The following CLVS2 variants were observed in gnomAD, a reference collection of about 807,000 sequenced individuals.
The protein encoded by CLVS2 is clavesin 2.
A neutral mutation model predicts 29.0 loss-of-function variants in CLVS2; 19 were observed. The observed-to-expected ratio is 0.66, with a 90% CI of 0.46 to 0.96. The LOEUF (loss-of-function observed/expected upper bound fraction) is 0.96, where lower values mean the gene tolerates loss of function less well. CLVS2 is among the 40% of genes least tolerant of loss of function. CLVS2 has a pLI of 0.00. For synonymous variants in CLVS2, 161 were observed against 151.3 expected (o/e 1.06, Z -0.47); for missense variants, 294 against 404.1 (o/e 0.73, Z 2.34).
At chr6:123,031,475 A>G (rs1775083274) in intron 3 of CLVS2, among the ~76,000 whole-genome samples, 1 of 152,184 alleles carries the variant, frequency 6.6e-6, no homozygotes, top group Non-Finnish European at 1.5e-5. Context: ...TAACTGTATC[A>G]TTTACTTGAA....
chr6:123,019,530 A>G (rs565236218), intron 3 of CLVS2, among the ~76,000 whole-genome samples: 1 of 152,118 alleles, frequency 6.6e-6, no homozygotes, highest in African/African-American at 2.4e-5. Flanking sequence ...GTATAGCTAT[A>G]TCTCTATAAC....
chr6:123,015,409 T>C (rs1020785830), intron 3 of CLVS2, among the ~76,000 whole-genome samples: 1 of 151,974 alleles, frequency 6.6e-6, no homozygotes, highest in Non-Finnish European at 1.5e-5. Context: ...TTGAAATAAT[T>C]ATAATAGTCT....
At chr6:123,059,456 G>T (rs1318975573) in intron 5 of CLVS2, among the ~76,000 whole-genome samples, 1 of 152,194 alleles carries the variant, frequency 6.6e-6, no homozygotes, top group African/African-American at 2.4e-5. Context: ...AACAGAGGGT[G>T]CTCAGGAAAT....
chr6:123,049,804 T>TCGGGG (rs1554203165), intron 4 of CLVS2, among the ~76,000 whole-genome samples: 1 of 118,934 alleles, frequency 8.4e-6, no homozygotes, highest in Non-Finnish European at 1.8e-5. Flanking sequence ...TGTTGTGGGA[T>TCGGGG]GGGGGGCGGG....
At chr6:123,033,149 A>G (rs1180383493) in intron 3 of CLVS2, among the ~76,000 whole-genome samples, 1 of 152,134 alleles carries the variant, frequency 6.6e-6, no homozygotes, top group Non-Finnish European at 1.5e-5. Flanking sequence ...AAGATGAAAA[A>G]TTAAAATGAC....
intron 3 of CLVS2, among the ~76,000 whole-genome samples, chr6:123,027,104 T>C (rs954468855): frequency 1.3e-4 from 20 of 152,098 alleles, no homozygotes; most frequent in African/African-American, 4.8e-4. Flanking sequence ...GAAGAGTTGA[T>C]CAAAGGAAGG....
At chr6:123,053,358 A>G (rs1772643316) in intron 4 of CLVS2, among the ~76,000 whole-genome samples, 1 of 152,134 alleles carries the variant, frequency 6.6e-6, no homozygotes, top group Non-Finnish European at 1.5e-5. Context: ...CAAACAAACA[A>G]ACAAACAAAA....
intron 3 of CLVS2, among the ~76,000 whole-genome samples, chr6:123,032,493 G>T (rs893132489): frequency 1.3e-5 from 2 of 152,060 alleles, no homozygotes; most frequent in Middle Eastern, 3.4e-3. Flanking sequence ...AGCAGGCATT[G>T]GTGTCTTACA....
chr6:123,063,898 A>C lies in CLVS2; in HGVS notation c.*137A>C. 1 of 533,388 alleles carries C rather than the reference A, an allele frequency of 1.9e-6. No homozygotes were observed. Among genetic ancestry groups the C allele is most frequent in the Non-Finnish European group, 3.3e-6 (1 of 306,316 alleles). The allele number at this position is 533,388 out of a possible 1,614,324, so 33.0% of individuals were successfully genotyped here. A position where few individuals can be genotyped will look rare whatever the true frequency, so the allele number is the denominator to read the frequency against. On this transcript the variant is annotated 3_prime_UTR_variant, in exon 6 of 6. Transcript: ENST00000275162. ...GTAGCATAATATATAACAAGGCATC[A>C]GGCTTTCCTTGGCCTGAACCATGGG...
chr6:123,066,338 C>CCT lies in CLVS2; in HGVS notation c.*2578_*2579insTC. 1 of 146,894 alleles carries CCT rather than the reference C, an allele frequency of 6.8e-6. No individual in the cohort carries two copies. The highest frequency in any genetic ancestry group is 6.7e-5 in the Admixed American group (1 of 14,884). The allele number at this position is 146,894 out of a possible 1,614,324, so 9.1% of individuals were successfully genotyped here. A position where few individuals can be genotyped will look rare whatever the true frequency, so the allele number is the denominator to read the frequency against. ...GTATTTTAATTGCAATAGTATACCT[C>CCT]CACTCTCTCTCTCTCTCTCATACAC... On this transcript the variant is annotated 3_prime_UTR_variant, in exon 6 of 6. Transcript: ENST00000275162.
At chr6:123,037,684 C>T (rs1562170600) in intron 3 of CLVS2, among the ~76,000 whole-genome samples, 3 of 151,830 alleles carry the variant, frequency 2.0e-5, no homozygotes, top group Non-Finnish European at 4.4e-5. Flanking sequence ...ATTGGGGGAA[C>T]CTGGTATGTG....
At chr6:122,999,295 T>C (rs1774555897) in intron 2 of CLVS2, among the ~76,000 whole-genome samples, 1 of 152,200 alleles carries the variant, frequency 6.6e-6, no homozygotes, top group Non-Finnish European at 1.5e-5. Context: ...CTTCCGAGTC[T>C]TGGTATCTTA....
chr6:123,001,762 G>A (rs909905839), intron 2 of CLVS2, among the ~76,000 whole-genome samples: 2 of 152,202 alleles, frequency 1.3e-5, no homozygotes, highest in Non-Finnish European at 2.9e-5. Context: ...CGTAAAGCTA[G>A]CAGAGGTTAA....
intron 5 of CLVS2, among the ~76,000 whole-genome samples, chr6:123,062,668 C>A (rs763330282): frequency 5.3e-5 from 8 of 151,688 alleles, no homozygotes; most frequent in Non-Finnish European, 1.0e-4. Context: ...ATTATTTTTT[C>A]TTTGATAATT....
At chr6:123,007,119 T>A (rs1232737715) in intron 2 of CLVS2, among the ~76,000 whole-genome samples, 1 of 152,192 alleles carries the variant, frequency 6.6e-6, no homozygotes, top group Non-Finnish European at 1.5e-5. Context: ...AATAATTCTA[T>A]GAAGTTAAGA....
chr6:123,035,743 G>A (rs776263362), intron 3 of CLVS2, among the ~76,000 whole-genome samples: 40 of 152,048 alleles, frequency 2.6e-4, no homozygotes, highest in Non-Finnish European at 4.6e-4. Context: ...GAAAGGCAAG[G>A]CATGTAATCT....
chr6:123,002,503 A>G (rs567891334), intron 2 of CLVS2, among the ~76,000 whole-genome samples: 14 of 152,222 alleles, frequency 9.2e-5, no homozygotes, highest in Non-Finnish European at 1.9e-4. Flanking sequence ...ATAACTTACA[A>G]TTTAAAACAT....
At chr6:123,029,413 T>C (rs114392398) in intron 3 of CLVS2, among the ~76,000 whole-genome samples, 1,637 of 152,246 alleles carry the variant, frequency 0.011, 37 homozygotes, top group African/African-American at 0.037. Context: ...GAGATATCCA[T>C]AGAAAGCCCT....
intron 4 of CLVS2, among the ~76,000 whole-genome samples, chr6:123,054,595 T>C (rs900071491): frequency 6.6e-6 from 1 of 152,214 alleles, no homozygotes; most frequent in East Asian, 1.9e-4. Context: ...ATTCTGAAGG[T>C]ACAGAAAGCA....
Sources: allele counts gnomAD v4.1 joint callset (sites outside exome capture counted in the v4.1 genomes callset), GRCh38; gene constraint gnomAD v4.1.1; transcripts MANE v1.5; gene names NCBI Gene and HGNC (gene_info 2026-07-23, HGNC 2026-07-21).